FAM20A: variants seen among roughly 807,000 people sequenced by gnomAD.
FAM20A encodes the protein pseudokinase FAM20A.
In FAM20A, 42 loss-of-function variants were observed where a neutral mutation model predicts 52.0. The observed-to-expected ratio is 0.81, with a 90% CI of 0.63 to 1.04. FAM20A has a LOEUF of 1.04. FAM20A is among the 50% of genes least tolerant of loss of function. FAM20A has a pLI of 0.00. For synonymous variants in FAM20A, 304 were observed against 298.9 expected (o/e 1.02, Z -0.18); for missense variants, 742 against 712.7 (o/e 1.04, Z -0.47).
At position 68,563,551 on chromosome 17, in the gene FAM20A, C is replaced by T. The variant is rs182468965; in HGVS notation, c.405-7808G>A. On this transcript the variant is annotated intron_variant, in intron 1 of 10. Coordinates refer to ENST00000592554, the MANE Select transcript of FAM20A (RefSeq NM_017565.4). ...TCCATGCAAGACTCTGAAATTTGTT[C>T]CCCATGTCCGCAGTTTTTAGGGGCT... 3.3e-5 allele frequency among the ~76,000 whole-genome samples: 5 copies of T among 151,978 alleles called. No individual in the cohort carries two copies. The East Asian group carries it at 7.7e-4, about 24-fold the overall frequency.
At position 68,600,405 on chromosome 17, in the gene FAM20A, A is replaced by G; in HGVS notation, c.262T>C (p.Ser88Pro). ...AAGAGGGCCTGCAACTTGGAGCTCG[A>G]CCCGCTGTGGCTGCCGCCAGCCGGT... Reference protein sequence around the residue: ...TEPAGGSHSGSSSKLQALFAH... With the variant: ...TEPAGGSHSGPSSKLQALFAH... Residue 88 changes from serine (S) to proline (P), a missense_variant, in exon 1 of 11, where the codon TCG (serine) becomes CCG (proline). By Grantham distance (74) the Ser-to-Pro change is moderately conservative. Transcript: ENST00000592554. This position sits in a 1 kb window ranked among gnomAD's most constrained non-coding sequence, Gnocchi z 6.2. The G allele has an allele frequency of 6.2e-7, 1 of 1,608,616 alleles. No homozygotes were observed. Among genetic ancestry groups the G allele is most frequent in the Non-Finnish European group, 8.5e-7 (1 of 1,178,314 alleles).
chr17:68,535,180 C>T lies in FAM20A; in HGVS notation c.*2297G>A, dbSNP rs62087490. ...GTTCAAAATGAACATGCTGGAAGAA[C>T]TCGAGTAAGAATGAAACGGTTGGTT... On this transcript the variant is annotated 3_prime_UTR_variant, in exon 11 of 11. Coordinates refer to ENST00000592554, the MANE Select transcript of FAM20A (RefSeq NM_017565.4). 1 of 432,256 alleles carries T rather than the reference C, an allele frequency of 2.3e-6. No homozygotes were observed. Among genetic ancestry groups the T allele is most frequent in the Admixed American group, 2.4e-5 (1 of 40,832 alleles). 26.8% of individuals were successfully genotyped at this position (432,256 alleles called of 1,614,324 possible).
At chr17:68,576,105 C>A (rs1324397255) in intron 1 of FAM20A, among the ~76,000 whole-genome samples, 1 of 152,142 alleles carries the variant, frequency 6.6e-6, no homozygotes, top group Non-Finnish European at 1.5e-5. Context: ...AAGCCCAGTG[C>A]TCAGCCAGCT....
intron 4 of FAM20A, among the ~76,000 whole-genome samples, chr17:68,550,461 A>G (rs1397142549): frequency 1.4e-5 from 2 of 139,130 alleles, no homozygotes; most frequent in African/African-American, 2.7e-5. Flanking sequence ...GCTCACCGCA[A>G]CCTCCTCCTC....
intron 1 of FAM20A, among the ~76,000 whole-genome samples, chr17:68,586,079 G>A (rs555544214): frequency 1.3e-5 from 2 of 152,276 alleles, no homozygotes; most frequent in South Asian, 4.2e-4. Context: ...TGACTCTGTG[G>A]TGGGAAGGTT....
intron 1 of FAM20A, among the ~76,000 whole-genome samples, chr17:68,560,541 T>C (rs2087185325): frequency 6.6e-6 from 1 of 152,166 alleles, no homozygotes; most frequent in Admixed American, 6.5e-5. Flanking sequence ...CAGTTTATGT[T>C]ACTTTGTTAT....
At chr17:68,541,290 C>T (rs188029421) in intron 7 of FAM20A, 49 of 361,198 alleles carry the variant, frequency 1.4e-4, no homozygotes, top group African/African-American at 9.6e-4. Context: ...TCTCACCAAG[C>T]CTCTTGGACC....
At chr17:68,551,208 C>A in intron 4 of FAM20A, 1 of 1,054,452 alleles carries the variant, frequency 9.5e-7, no homozygotes, top group South Asian at 4.8e-5. Flanking sequence ...ACACCAAGCT[C>A]TGTCTAAGGA....
intron 1 of FAM20A, among the ~76,000 whole-genome samples, chr17:68,574,826 T>G (rs746415048): frequency 5.3e-5 from 8 of 152,136 alleles, no homozygotes; most frequent in Non-Finnish European, 8.8e-5. Flanking sequence ...GGCTTGTACA[T>G]ACCCTATGTG....
In FAM20A at chr17:68,542,117, T is replaced by TC. The variant is rs761066773; in HGVS notation, c.976dup (p.Glu326GlyfsTer54). Reference sequence around the variant, plus strand: ...GTGTGGGTTGCCACAGACAGCATACTCCGTCTTGCACATGTATGGACACTT... The same window carrying TC: ...GTGTGGGTTGCCACAGACAGCATACTCCCGTCTTGCACATGTATGGACACTT... On this transcript the variant is annotated frameshift_variant, in exon 7 of 11. Coordinates refer to ENST00000592554, the MANE Select transcript of FAM20A (RefSeq NM_017565.4). LOFTEE classifies it high-confidence loss of function. 1 of 1,614,044 alleles carries TC rather than the reference T, an allele frequency of 6.2e-7. No individual in the cohort carries two copies.
intron 1 of FAM20A, among the ~76,000 whole-genome samples, chr17:68,587,255 C>T (rs1405313410): frequency 6.6e-6 from 1 of 152,172 alleles, no homozygotes; most frequent in Non-Finnish European, 1.5e-5. Flanking sequence ...CTGTACAGCT[C>T]ACAGAGAGTT....
At position 68,572,017 on chromosome 17, in the gene FAM20A, T is replaced by TAC. The variant is rs2087571196; in HGVS notation, c.405-16275_405-16274insGT. 6.0e-5 allele frequency among the ~76,000 whole-genome samples: 7 copies of TAC among 117,080 alleles called. No individual in the cohort carries two copies. In the South Asian group the frequency reaches 2.0e-3, roughly 33 times the overall value. The allele number at this position is 117,080 out of a possible 152,430, so 76.8% of individuals were successfully genotyped here. ...ATATATATATATATATATATATATA[T>TAC]ATATATATATATATATATATATATG... On this transcript the variant is annotated intron_variant, in intron 1 of 10. Transcript: ENST00000592554.
At chr17:68,594,599 G>T (rs1372781110) in intron 1 of FAM20A, among the ~76,000 whole-genome samples, 3 of 152,024 alleles carry the variant, frequency 2.0e-5, no homozygotes, top group African/African-American at 7.3e-5. Context: ...TCATCTGGAG[G>T]TTCTGGGGAA....
chr17:68,545,088 G>T (rs2143549753), intron 4 of FAM20A, among the ~76,000 whole-genome samples: 1 of 152,214 alleles, frequency 6.6e-6, no homozygotes, highest in East Asian at 1.9e-4. Flanking sequence ...AAAAAATGGT[G>T]TTCGCCTTAA....
Position 68,555,704 on chromosome 17 carries a change from G to A in FAM20A, c.444C>T (p.Ser148=), listed in dbSNP as rs139743735. The A allele has an allele frequency of 4.3e-4, 698 of 1,613,992 alleles. 3 individuals are homozygous for A. In the African/African-American group the frequency reaches 7.7e-3, roughly 18 times the overall value. The part of the protein sequence containing the change: ...KMYREQMNLT[S]LDPPLQLRLE... ...GTCGGAGCTGCAGTGGGGGGTCCAGGGAGGTAAGGTTCATCTGCTCTCTGT... is the reference window on the plus strand; with the variant it reads ...GTCGGAGCTGCAGTGGGGGGTCCAGAGAGGTAAGGTTCATCTGCTCTCTGT... The change falls in exon 2 of 11, where the codon TCC becomes TCT. Residue 148 remains serine (S), a synonymous_variant. Transcript: ENST00000592554.
At chr17:68,557,836 A>G (rs2087098139) in intron 1 of FAM20A, among the ~76,000 whole-genome samples, 2 of 152,202 alleles carry the variant, frequency 1.3e-5, no homozygotes, top group Admixed American at 1.3e-4. Flanking sequence ...AAATCATGTC[A>G]CGTATCTCTA....
In FAM20A at chr17:68,600,508, C is replaced by G. The variant is rs774801939; in HGVS notation, c.159G>C (p.Leu53=). 2 of 1,585,998 alleles carry G rather than the reference C, an allele frequency of 1.3e-6. No homozygotes were observed. The highest frequency in any genetic ancestry group is 1.7e-6 in the Non-Finnish European group (2 of 1,166,540). The change falls in exon 1 of 11, where the codon CTG becomes CTC. Residue 53 remains leucine (L), a synonymous_variant. Coordinates refer to ENST00000592554, the MANE Select transcript of FAM20A (RefSeq NM_017565.4). The surrounding 1 kb of genome is among the most constrained non-coding windows in gnomAD (Gnocchi z 6.2). ...GCPCTGRASS[L]ARDSAAAASD... Reference sequence around the variant, plus strand: ...AGGCAGCTGCGGCCGAGTCCCGCGCCAGGGAGGAGGCGCGGCCGGTGCACG... The same window carrying G: ...AGGCAGCTGCGGCCGAGTCCCGCGCGAGGGAGGAGGCGCGGCCGGTGCACG...
intron 1 of FAM20A, among the ~76,000 whole-genome samples, chr17:68,598,300 C>T (rs970119783): frequency 6.6e-6 from 1 of 152,098 alleles, no homozygotes; most frequent in Non-Finnish European, 1.5e-5. Flanking sequence ...CCACCCTGCC[C>T]GGCCTTGTGT....
chr17:68,541,062 C>A, intron 7 of FAM20A, 104 bp from the exon 8 acceptor site: 1 of 1,513,386 alleles, frequency 6.6e-7, no homozygotes, highest in Admixed American at 2.0e-5. Context: ...CTCCCTGATC[C>A]TGCCCTGGGC....
Sources: gnomAD v4.1 joint callset for allele counts (sites outside exome capture counted in the v4.1 genomes callset) on GRCh38, gnomAD v4.1.1 for gene constraint, Gnocchi (gnomAD v3.1) non-coding constraint, MANE v1.5 for transcripts, NCBI Gene and HGNC (gene_info 2026-07-23, HGNC 2026-07-21) for gene names.